CA10: variants seen among roughly 807,000 people sequenced by gnomAD.
CA10 encodes carbonic anhydrase 10 (inactive), also known as carbonic anhydrase-related protein 10.
In CA10, 14 loss-of-function variants were observed where a neutral mutation model predicts 44.2. The ratio of observed to expected loss-of-function variants is 0.32; its 90% CI spans 0.21 to 0.50. CA10 has a LOEUF of 0.50. CA10 is among the 20% of genes least tolerant of loss of function. The probability of loss-of-function intolerance (pLI) is 0.99; values close to 1 mark genes in which losing one functional copy is unlikely to be tolerated. For synonymous variants in CA10, 159 were observed against 141.6 expected, an observed-to-expected ratio of 1.12 and a Z score of -0.87; for missense variants, 350 against 409.7, an observed-to-expected ratio of 0.85 and a Z score of 1.26.
Position 51,655,739 on chromosome 17 carries a change from C to G in CA10, c.466-2003G>C, listed in dbSNP as rs116740568. Among the ~76,000 whole-genome samples, 1,386 of 152,328 alleles carry G rather than the reference C, an allele frequency of 9.1e-3. 17 individuals carry two copies. Among genetic ancestry groups the G allele is most frequent in the African/African-American group, 0.032 (1,320 of 41,574 alleles). On this transcript the variant is annotated intron_variant, in intron 4 of 8. Coordinates refer to ENST00000451037, the MANE Select transcript of CA10 (RefSeq NM_020178.5). ...TCCCATCAATGCCTAGTCAGATGGA[C>G]AGTACCTTGAATCTGAGAATATCCT...
At chr17:51,850,759 G>C (rs1978759022) in intron 3 of CA10, among the ~76,000 whole-genome samples, 1 of 152,180 alleles carries the variant, frequency 6.6e-6, no homozygotes, top group Admixed American at 6.5e-5. Flanking sequence ...TAAGTTCTTG[G>C]TGCATGTGTT....
At chr17:51,852,652 T>C (rs1978847323) in intron 3 of CA10, among the ~76,000 whole-genome samples, 1 of 152,204 alleles carries the variant, frequency 6.6e-6, no homozygotes, top group Non-Finnish European at 1.5e-5. Flanking sequence ...AGGATCTAGA[T>C]GTAAATTCTA....
At chr17:52,114,836 G>A (rs1355496036) in intron 1 of CA10, among the ~76,000 whole-genome samples, 1 of 152,134 alleles carries the variant, frequency 6.6e-6, no homozygotes, top group Non-Finnish European at 1.5e-5. Context: ...GACTACCTGT[G>A]TTTCTCTGGA....
chr17:52,054,432 A>G (rs879643531), intron 2 of CA10, among the ~76,000 whole-genome samples: 66 of 152,118 alleles, frequency 4.3e-4, no homozygotes, highest in Non-Finnish European at 6.6e-4. Flanking sequence ...GCGTGCCCGA[A>G]ACTTCATTAG....
intron 3 of CA10, among the ~76,000 whole-genome samples, chr17:51,822,895 C>T (rs1036963427): frequency 6.6e-6 from 1 of 152,130 alleles, no homozygotes; most frequent in Non-Finnish European, 1.5e-5. Context: ...ATTTTTGGTG[C>T]TTCTAGATGG....
intron 2 of CA10, among the ~76,000 whole-genome samples, chr17:51,956,301 CCTG>C (rs1983663427): frequency 6.6e-6 from 1 of 152,076 alleles, no homozygotes; most frequent in Non-Finnish European, 1.5e-5. Flanking sequence ...GGTTAATTGG[CCTG>C]CTTTTATATA....
chr17:51,776,707 A>T (rs1598039806), intron 3 of CA10, among the ~76,000 whole-genome samples: 1 of 152,354 alleles, frequency 6.6e-6, no homozygotes, highest in East Asian at 1.9e-4. Context: ...TGAACTGAGT[A>T]TCTGTTTTTC....
intron 2 of CA10, among the ~76,000 whole-genome samples, chr17:51,947,391 A>G (rs1051886981): frequency 2.6e-5 from 4 of 152,102 alleles, no homozygotes; most frequent in Non-Finnish European, 5.9e-5. Context: ...TAAACACAGC[A>G]TATGTTCTTG....
At chr17:52,135,078 C>T in intron 1 of CA10, 1 of 441,590 alleles carries the variant, frequency 2.3e-6, no homozygotes, top group Non-Finnish European at 4.6e-6. Context: ...GAATCCTAAG[C>T]CCCCCAACTG....
chr17:51,908,775 C>T (rs1981669210), intron 3 of CA10, among the ~76,000 whole-genome samples: 1 of 152,160 alleles, frequency 6.6e-6, no homozygotes, highest in Non-Finnish European at 1.5e-5. Context: ...CTGTCGCATT[C>T]ACTGGATTAA....
At chr17:52,143,887 A>C (rs1180070226) in intron 1 of CA10, among the ~76,000 whole-genome samples, 1 of 152,212 alleles carries the variant, frequency 6.6e-6, no homozygotes, top group Non-Finnish European at 1.5e-5. Context: ...CTCAGGTCAC[A>C]GTTTGCTTGT....
intron 2 of CA10, among the ~76,000 whole-genome samples, chr17:51,985,720 C>A (rs1388295488): frequency 6.6e-6 from 1 of 151,918 alleles, no homozygotes; most frequent in Admixed American, 6.6e-5. Flanking sequence ...AACAACCAAG[C>A]TGAGAATCAA....
At position 51,859,943 on chromosome 17, in the gene CA10, T is replaced by C. The variant is rs1034845024; in HGVS notation, c.279+71047A>G. ...TAAAGGTCAGAGTGGTGAGATTGGA[T>C]AAGGATAAGGTACAATGGTGAGAGG... is the stretch of plus-strand genomic sequence containing the variant. On this transcript the variant is annotated intron_variant, in intron 3 of 8. Coordinates refer to ENST00000451037, the MANE Select transcript of CA10 (RefSeq NM_020178.5). Among the ~76,000 whole-genome samples, 10 of 152,232 alleles carry C rather than the reference T, an allele frequency of 6.6e-5. No individual in the cohort carries two copies. In the South Asian group the frequency reaches 2.1e-3, roughly 32 times the overall value.
chr17:52,036,362 T>C lies in CA10; in HGVS notation c.136+35957A>G, dbSNP rs985723305. On this transcript the variant is annotated intron_variant, in intron 2 of 8. Coordinates refer to ENST00000451037, the MANE Select transcript of CA10 (RefSeq NM_020178.5). ...TAGGCTCTGGGTATATAAAGATAAA[T>C]GTGACATGGTCCTTGCCTTCCAGAA... Among the ~76,000 whole-genome samples the C allele has an allele frequency of 6.6e-5, 10 of 152,164 alleles. No individual in the cohort carries two copies. The South Asian group carries it at 1.0e-3, about 16-fold the overall frequency.
chr17:51,752,028 A>G (rs1028692853), intron 3 of CA10, among the ~76,000 whole-genome samples: 4 of 152,178 alleles, frequency 2.6e-5, no homozygotes, highest in African/African-American at 9.7e-5. Context: ...GCACAAAGTT[A>G]TGGGCAATCC....
chr17:51,829,466 G>A (rs1908148255), intron 3 of CA10, among the ~76,000 whole-genome samples: 1 of 152,160 alleles, frequency 6.6e-6, no homozygotes, highest in South Asian at 2.1e-4. Context: ...CCATGCAAAT[G>A]AAGGCAGCCA....
At chr17:51,892,887 C>A (rs1980918748) in intron 3 of CA10, among the ~76,000 whole-genome samples, 1 of 152,112 alleles carries the variant, frequency 6.6e-6, no homozygotes. Flanking sequence ...ACAACTGGAA[C>A]AACGCTAGCA....
intron 3 of CA10, among the ~76,000 whole-genome samples, chr17:51,833,111 G>A (rs1394853582): frequency 6.6e-6 from 1 of 152,150 alleles, no homozygotes; most frequent in Non-Finnish European, 1.5e-5. Context: ...ACCAAACACA[G>A]GTGTAGATTC....
intron 1 of CA10, among the ~76,000 whole-genome samples, chr17:52,127,839 G>C (rs911773851): frequency 2.0e-5 from 3 of 152,160 alleles, no homozygotes; most frequent in Admixed American, 1.3e-4. Context: ...CTAGATCTTT[G>C]ATAACAGATA....
Sources: allele counts gnomAD v4.1 joint callset (sites outside exome capture counted in the v4.1 genomes callset), GRCh38; gene constraint gnomAD v4.1.1; transcripts MANE v1.5; gene names NCBI Gene and HGNC (gene_info 2026-07-23, HGNC 2026-07-21).